The following C4orf54 variants were observed in gnomAD, a reference collection of about 807,000 sequenced individuals.
C4orf54 encodes the protein chromosome 4 open reading frame 54.
A neutral mutation model predicts 80.1 loss-of-function variants in C4orf54; 67 were observed. The ratio of observed to expected loss-of-function variants is 0.84; its 90% CI spans 0.69 to 1.03. The LOEUF is 1.03. C4orf54 is among the 50% of genes least tolerant of loss of function. C4orf54 has a pLI of 0.00. For synonymous variants in C4orf54, 1,000 were observed against 917.0 expected, an observed-to-expected ratio of 1.09 and a Z score of -1.64; for missense variants, 2,434 against 2,253.5, an observed-to-expected ratio of 1.08 and a Z score of -1.62.
In C4orf54 at chr4:99,654,571, A is replaced by T. The variant is rs544841497; in HGVS notation, c.78T>A (p.Thr26=). 1 of 702,944 alleles carries T rather than the reference A, an allele frequency of 1.4e-6. No individual in the cohort carries two copies. The highest frequency in any genetic ancestry group is 1.5e-5 in the South Asian group (1 of 67,598). The allele number at this position is 702,944 out of a possible 1,614,324, so 43.5% of individuals were successfully genotyped here. The change falls in exon 2 of 3, where the codon ACT becomes ACA. Residue 26 remains threonine, a synonymous_variant. Transcript: ENST00000511828. ...CCTGGCACCGTCGGCAGCAGCGAGG[A>T]GTCTGAATGCCATCGGCCACGGAAG... ...AASSVADGIQ[T]PRCCRRCQAN...
At position 99,653,522 on chromosome 4, in the gene C4orf54, C is replaced by G. The variant is rs1306047146; in HGVS notation, c.1127G>C (p.Ser376Thr). The G allele has an allele frequency of 3.9e-6, 6 of 1,536,130 alleles. No homozygotes were observed. The highest frequency in any genetic ancestry group is 5.2e-6 in the Non-Finnish European group (6 of 1,146,922). ...HYITTHEIQLSEVEQDMDFDV... is the reference protein window; with the variant it reads ...HYITTHEIQLTEVEQDMDFDV... ...GAAATCCATGTCCTGTTCCACCTCACTCAGCTGGATCTCATGGGTGGTGAT... is the reference window on the plus strand; with the variant it reads ...GAAATCCATGTCCTGTTCCACCTCAGTCAGCTGGATCTCATGGGTGGTGAT... The change falls in exon 2 of 3, where the codon AGT becomes ACT. Residue 376 changes from serine (S) to threonine (T), a missense_variant. Physicochemically the swap from Ser to Thr is moderately conservative, Grantham distance 58 (BLOSUM62 1). Transcript: ENST00000511828.
At position 99,651,944 on chromosome 4, in the gene C4orf54, G is replaced by C; in HGVS notation, c.2705C>G (p.Thr902Ser). The change falls in exon 2 of 3, where the codon ACT (threonine) becomes AGT (serine). Residue 902 changes from threonine (T) to serine (S), a missense_variant. By Grantham distance (58) the Thr-to-Ser change is moderately conservative. Coordinates refer to ENST00000511828, the MANE Select transcript of C4orf54 (RefSeq NM_001354435.2). ...GSKSPVFKAS[T>S]PRERNAGPGR... ...AGGGCCTGCGTTGCGCTCGCGAGGA[G>C]TACTGGCTTTGAAGACTGGAGATTT... The C allele has an allele frequency of 6.5e-7, 1 of 1,536,142 alleles. No individual in the cohort carries two copies. Among genetic ancestry groups the C allele is most frequent in the Non-Finnish European group, 8.7e-7 (1 of 1,146,908 alleles).
At position 99,651,887 on chromosome 4, in the gene C4orf54, A is replaced by ACTT. The variant is rs773649617; in HGVS notation, c.2759_2761dup (p.Glu920dup). ...TGAGGCACTCTTTTTAATTTCACAC[A>ACTT]CTTCTGTGTGTCCATCGGTGAAATT... On this transcript the variant is annotated inframe_insertion, in exon 2 of 3. Coordinates refer to ENST00000511828, the MANE Select transcript of C4orf54 (RefSeq NM_001354435.2). The ACTT allele has an allele frequency of 1.5e-4, 232 of 1,535,668 alleles. No individual in the cohort carries two copies. The highest frequency in any genetic ancestry group is 2.0e-4 in the Non-Finnish European group (226 of 1,146,826).
rs1212750301 is a variant in C4orf54, at chr4:99,639,093, G to A, written c.*2140C>T. The A allele has an allele frequency of 6.6e-6, 1 of 152,148 alleles. No individual in the cohort carries two copies. The highest frequency in any genetic ancestry group is 2.4e-5 in the African/African-American group (1 of 41,460). The allele number at this position is 152,148 out of a possible 1,614,324, so 9.4% of individuals were successfully genotyped here. The stretch of plus-strand genomic sequence containing the variant: ...GCCCTCAACTCTACCACATTTTCTA[G>A]AGAAGGAGTTGTCTCTCTTTTGGAA... On this transcript the variant is annotated 3_prime_UTR_variant, in exon 3 of 3. Coordinates refer to ENST00000511828, the MANE Select transcript of C4orf54 (RefSeq NM_001354435.2).
Position 99,650,397 on chromosome 4 carries a change from C to T in C4orf54, c.4252G>A (p.Gly1418Arg). ...TGGVAGKFPQGPSPESPSAAK... is the reference protein window; with the variant it reads ...TGGVAGKFPQRPSPESPSAAK... ...GCTGAAGGACTCTCCGGAGAAGGCC[C>T]TTGTGGGAACTTGCCAGCGACACCC... Residue 1418 changes from glycine (G) to arginine (R), a missense_variant, in exon 2 of 3, where the codon GGG (glycine) becomes AGG (arginine). Coordinates refer to ENST00000511828, the MANE Select transcript of C4orf54 (RefSeq NM_001354435.2). The T allele has an allele frequency of 2.6e-6, 4 of 1,536,062 alleles. No individual in the cohort carries two copies. Among genetic ancestry groups the T allele is most frequent in the Non-Finnish European group, 3.5e-6 (4 of 1,146,874 alleles).
rs1265692275 is a variant in C4orf54 at position 99,650,597 on chromosome 4, C to G, written c.4052G>C (p.Ser1351Thr). 4.6e-6 allele frequency: 7 copies of G among 1,535,968 alleles called. No individual in the cohort carries two copies. The Admixed American group carries it at 1.4e-4, about 30-fold the overall frequency. The change falls in exon 2 of 3, where the codon AGT (serine) becomes ACT (threonine). Residue 1351 changes from serine (S) to threonine (T), a missense_variant. Transcript: ENST00000511828. The stretch of plus-strand genomic sequence containing the variant: ...AAAGGCCGCTGCCCTGGCAGACACA[C>G]TCTCAGCGCTGGGGTTGGAGTTTCT... ...QRRNSNPSAE[S>T]VSARAAAFEN... is the part of the protein sequence containing the mutation.
Position 99,653,203 on chromosome 4 carries a change from G to A in C4orf54, c.1446C>T (p.Pro482=). 2 of 1,535,416 alleles carry A rather than the reference G, an allele frequency of 1.3e-6. No individual in the cohort carries two copies. Among genetic ancestry groups the A allele is most frequent in the Non-Finnish European group, 1.7e-6 (2 of 1,146,434 alleles). Residue 482 remains proline, a synonymous_variant, in exon 2 of 3, where the codon CCC becomes CCT. Coordinates refer to ENST00000511828, the MANE Select transcript of C4orf54 (RefSeq NM_001354435.2). ...TCAGGGGGGCAGTGCCAGGCCCAGT[G>A]GGTGGGGGAGTGGGGCCACTGTCAG... is the stretch of plus-strand genomic sequence containing the variant. ...GPSDSGPTPP[P]TGPGTAPLTE...
chr4:99,638,535 C>T lies in C4orf54; in HGVS notation c.*2698G>A, dbSNP rs1726549845. 1 of 152,010 alleles carries T rather than the reference C, an allele frequency of 6.6e-6. No individual in the cohort carries two copies. Among genetic ancestry groups the T allele is most frequent in the African/African-American group, 2.4e-5 (1 of 41,382 alleles). 9.4% of individuals were successfully genotyped at this position (152,010 alleles called of 1,614,324 possible). On this transcript the variant is annotated 3_prime_UTR_variant, in exon 3 of 3. Transcript: ENST00000511828. ...AAGGCACTATTTAGGAAATGTTTTA[C>T]TAATGGTTTTATAGTAATAAAAAAT... is the stretch of plus-strand genomic sequence containing the variant.
In C4orf54 at chr4:99,653,455, G is replaced by A. The variant is rs578057741; in HGVS notation, c.1194C>T (p.Asn398=). Residue 398 remains asparagine (N), a synonymous_variant, in exon 2 of 3, where the codon AAC becomes AAT. Transcript: ENST00000511828. The stretch of plus-strand genomic sequence containing the variant: ...CATAATCCACGAACGAGTAGATCAC[G>A]TTGTTGTCCTCGAAATCCCAGCGGG... ...LASRWDFEDN[N]VIYSFVDYAS... 6.8e-5 allele frequency: 104 copies of A among 1,536,148 alleles called. 1 individual carries two copies. The Admixed American group carries it at 1.1e-3, about 16-fold the overall frequency.
In C4orf54 at chr4:99,649,357, G is replaced by A; in HGVS notation, c.5292C>T (p.Ile1764=). 6.5e-7 allele frequency: 1 copy of A among 1,536,174 alleles called. No individual in the cohort carries two copies. Among genetic ancestry groups the A allele is most frequent in the South Asian group, 1.2e-5 (1 of 84,062 alleles). The change falls in exon 2 of 3, where the codon ATC becomes ATT. Residue 1764 remains isoleucine, a synonymous_variant. Coordinates refer to ENST00000511828, the MANE Select transcript of C4orf54 (RefSeq NM_001354435.2). ...AFAQLHGKPV[I]SITSQPLGPR... is the part of the protein sequence containing the mutation. ...GCCCCAGGGGCTGCGAAGTAATGCTGATGACAGGCTTGCCATGCAGCTGGG... is the reference window on the plus strand; with the variant it reads ...GCCCCAGGGGCTGCGAAGTAATGCTAATGACAGGCTTGCCATGCAGCTGGG...
Position 99,654,223 on chromosome 4 carries a change from C to A in C4orf54, c.426G>T (p.Gly142=), listed in dbSNP as rs1250791994. The A allele has an allele frequency of 1.3e-6, 2 of 1,536,158 alleles. No individual in the cohort carries two copies. Among genetic ancestry groups the A allele is most frequent in the South Asian group, 2.4e-5 (2 of 84,060 alleles). Residue 142 remains glycine (G), a synonymous_variant, in exon 2 of 3, where the codon GGG becomes GGT. Coordinates refer to ENST00000511828, the MANE Select transcript of C4orf54 (RefSeq NM_001354435.2). ...CAGGAGGGGCAGCTTCCATTATGAG[C>A]CCTTGCCCAGGTTTCAGCGACAGGA... is the stretch of plus-strand genomic sequence containing the variant. ...CLFLSLKPGQ[G]LIMEAAPPEL... is the part of the protein sequence containing the mutation.
At position 99,654,322 on chromosome 4, in the gene C4orf54, C is replaced by T; in HGVS notation, c.327G>A (p.Leu109=). The change falls in exon 2 of 3, where the codon CTG becomes CTA. Residue 109 remains leucine (L), a synonymous_variant. Transcript: ENST00000511828. The part of the protein sequence containing the change: ...ALGPVQIRGT[L]LRATLQPLRG... ...GGAGGGGCTGCAGAGTTGCCCGAAG[C>T]AGGGTCCCACGTATCTGGACTGGCC... 6.8e-7 allele frequency: 1 copy of T among 1,470,584 alleles called. No homozygotes were observed. The highest frequency in any genetic ancestry group is 9.2e-7 in the Non-Finnish European group (1 of 1,087,202). 91.1% of individuals were successfully genotyped at this position (1,470,584 alleles called of 1,614,324 possible). A position where few individuals can be genotyped will look rare whatever the true frequency, so the allele number is the denominator to read the frequency against.
Position 99,654,164 on chromosome 4 carries a change from C to A in C4orf54, c.485G>T (p.Gly162Val). 6.5e-7 allele frequency: 1 copy of A among 1,536,186 alleles called. No individual in the cohort carries two copies. The change falls in exon 2 of 3, where the codon GGG becomes GTG. Residue 162 changes from glycine to valine, a missense_variant. Physicochemically the swap from Gly to Val is moderately radical, Grantham distance 109. Transcript: ENST00000511828. The stretch of plus-strand genomic sequence containing the variant: ...GTCTTGAGCACTGCTCACCCCGTCC[C>A]CCACCTCCGCCTGTCTTGCTTTCGA... ...LNSKARQAEV[G>V]DGVSSAQDSQ... is the part of the protein sequence containing the mutation.
rs1726932709 is a variant in C4orf54 at position 99,654,104 on chromosome 4, G to A, written c.545C>T (p.Pro182Leu). 6.5e-7 allele frequency: 1 copy of A among 1,536,140 alleles called. No individual in the cohort carries two copies. Residue 182 changes from proline (P) to leucine (L), a missense_variant, in exon 2 of 3, where the codon CCC (proline) becomes CTC (leucine). Pro to Leu is a moderately conservative substitution (Grantham distance 98). Transcript: ENST00000511828. Reference protein sequence around the residue: ...QELKQQLWPLPKPSASSQREA... With the variant: ...QELKQQLWPLLKPSASSQREA... ...TCGCTGGGAGGAGGCTGAAGGCTTG[G>A]GAAGTGGCCACAGCTGCTGCTTGAG...
In C4orf54 at chr4:99,651,545, C is replaced by T. The variant is rs1726827548; in HGVS notation, c.3104G>A (p.Ser1035Asn). The change falls in exon 2 of 3, where the codon AGT (serine) becomes AAT (asparagine). Residue 1035 changes from serine to asparagine, a missense_variant. Ser to Asn is a conservative substitution (Grantham distance 46). Transcript: ENST00000511828. ...GAAGTCTGAGCTCGGCTGCTGCACACTCCCCAGCCGGATCTTGATTTCGGG... is the reference window on the plus strand; with the variant it reads ...GAAGTCTGAGCTCGGCTGCTGCACATTCCCCAGCCGGATCTTGATTTCGGG... Reference protein sequence around the residue: ...KAPEIKIRLGSVQQPSSDFNI... With the variant: ...KAPEIKIRLGNVQQPSSDFNI... 1 of 1,536,180 alleles carries T rather than the reference C, an allele frequency of 6.5e-7. No homozygotes were observed. The highest frequency in any genetic ancestry group is 8.7e-7 in the Non-Finnish European group (1 of 1,146,922).
Position 99,652,190 on chromosome 4 carries a change from T to A in C4orf54, c.2459A>T (p.Lys820Met). The A allele has an allele frequency of 6.5e-7, 1 of 1,536,012 alleles. No homozygotes were observed. Among genetic ancestry groups the A allele is most frequent in the Non-Finnish European group, 8.7e-7 (1 of 1,146,864 alleles). ...SSLLKNVISK[K>M]MQREHEFKME... is the part of the protein sequence containing the mutation. ...TTTGAACTCGTGTTCCCGCTGCATC[T>A]TCTTGGAAATGACATTTTTGAGCAG... The change falls in exon 2 of 3, where the codon AAG becomes ATG. Residue 820 changes from lysine (K) to methionine (M), a missense_variant. Physicochemically the swap from Lys to Met is moderately conservative, Grantham distance 95. Transcript: ENST00000511828.
intron 2 of C4orf54, among the ~76,000 whole-genome samples, chr4:99,644,726 C>A (rs1043462966): frequency 1.4e-5 from 2 of 145,924 alleles, no homozygotes; most frequent in Non-Finnish European, 3.0e-5. Flanking sequence ...ACCCTTTAAG[C>A]TGTCTAATCT....
chr4:99,642,809 G>A (rs1041347878), intron 2 of C4orf54, among the ~76,000 whole-genome samples: 3 of 152,210 alleles, frequency 2.0e-5, no homozygotes, highest in Non-Finnish European at 4.4e-5. Flanking sequence ...GTTCAACAGG[G>A]ATGCTGGGTC....
At position 99,650,642 on chromosome 4, in the gene C4orf54, G is replaced by A; in HGVS notation, c.4007C>T (p.Pro1336Leu). 1.3e-6 allele frequency: 2 copies of A among 1,536,036 alleles called. No individual in the cohort carries two copies. Among genetic ancestry groups the A allele is most frequent in the African/African-American group, 1.4e-5 (1 of 73,124 alleles). The part of the protein sequence containing the change: ...NKAGVVLRGA[P>L]IERLQRRNSN... Reference sequence around the variant, plus strand: ...GTTTCTCCGCTGCAGACGTTCTATGGGGGCCCCTCGCAGGACCACACCAGC... The same window carrying A: ...GTTTCTCCGCTGCAGACGTTCTATGAGGGCCCCTCGCAGGACCACACCAGC... The change falls in exon 2 of 3, where the codon CCC becomes CTC. Residue 1336 changes from proline to leucine, a missense_variant. Physicochemically the swap from Pro to Leu is moderately conservative, Grantham distance 98 (BLOSUM62 -3). Transcript: ENST00000511828.
Sources: gnomAD v4.1 joint callset for allele counts (sites outside exome capture counted in the v4.1 genomes callset) on GRCh38, gnomAD v4.1.1 for gene constraint, MANE v1.5 for transcripts, NCBI Gene and HGNC (gene_info 2026-07-23, HGNC 2026-07-21) for gene names.